CUEDC1: variants seen among roughly 807,000 people sequenced by gnomAD.
CUEDC1 encodes CUE domain-containing protein 1.
Under a neutral mutation model 43.7 loss-of-function variants are expected in CUEDC1, and 30 were observed. That is an observed-to-expected ratio of 0.69 (90% CI 0.51 to 0.93). The LOEUF (loss-of-function observed/expected upper bound fraction) is 0.93. CUEDC1 is among the 40% of genes least tolerant of loss of function. The pLI, the probability that CUEDC1 is intolerant of heterozygous loss-of-function variation, is 0.00. For missense variants in CUEDC1, 486 were observed against 549.0 expected (o/e 0.89, Z 1.15); for synonymous variants, 223 against 223.6 (o/e 1.00, Z 0.02).
At chr17:57,943,694 T>C in intron 1 of CUEDC1, among the ~76,000 whole-genome samples, 1 of 151,896 alleles carries the variant, frequency 6.6e-6, no homozygotes, top group East Asian at 1.9e-4. Flanking sequence ...CATGCAACCC[T>C]CAAAGCAGAT....
intron 1 of CUEDC1, among the ~76,000 whole-genome samples, chr17:57,902,047 G>A (rs913307956): frequency 4.6e-5 from 7 of 152,118 alleles, no homozygotes; most frequent in Non-Finnish European, 1.0e-4. Flanking sequence ...GGTGGCAGGT[G>A]CCTGTAATCC....
intron 1 of CUEDC1, among the ~76,000 whole-genome samples, chr17:57,917,061 G>A (rs566960216): frequency 7.9e-5 from 12 of 152,310 alleles, no homozygotes; most frequent in African/African-American, 2.9e-4. Flanking sequence ...AAGCGCCTGA[G>A]GCCCATCCAA....
intron 1 of CUEDC1, among the ~76,000 whole-genome samples, chr17:57,938,746 T>G (rs1323690927): frequency 6.6e-6 from 1 of 152,126 alleles, no homozygotes; most frequent in Non-Finnish European, 1.5e-5. Flanking sequence ...CAGCGCAACC[T>G]CTGCCTCCCG....
chr17:57,952,192 C>CATTTT (rs543420472), intron 1 of CUEDC1, among the ~76,000 whole-genome samples: 7,095 of 151,358 alleles, frequency 0.047, 190 homozygotes, highest in African/African-American at 0.067. Context: ...CAATGCCCTT[C>CATTTT]ATTTTATTTT....
At chr17:57,932,613 G>A (rs1420666518) in intron 1 of CUEDC1, among the ~76,000 whole-genome samples, 11 of 127,546 alleles carry the variant, frequency 8.6e-5, no homozygotes, top group African/African-American at 3.3e-4. Flanking sequence ...AAAAAAAAAA[G>A]TCTGTTGGAG....
At position 57,885,410 on chromosome 17, in the gene CUEDC1, T is replaced by C. The variant is rs1329377854; in HGVS notation, c.155A>G (p.Asp52Gly). 5.6e-6 allele frequency: 9 copies of C among 1,607,498 alleles called. No homozygotes were observed. Among genetic ancestry groups the C allele is most frequent in the South Asian group, 3.3e-5 (3 of 89,682 alleles). ...GTTGGGGAACATGGTCTTGAAGTCGTCCATGGCCTGGTTGAACTCCAGGCG... is the reference window on the plus strand; with the variant it reads ...GTTGGGGAACATGGTCTTGAAGTCGCCCATGGCCTGGTTGAACTCCAGGCG... ...VRRLEFNQAMDDFKTMFPNMD... is the reference protein window; with the variant it reads ...VRRLEFNQAMGDFKTMFPNMD... Residue 52 changes from aspartate (D) to glycine (G), a missense_variant, in exon 2 of 11, where the codon GAC (aspartate) becomes GGC (glycine). Transcript: ENST00000577830.
At chr17:57,928,502 T>TCG (rs1352290766) in intron 1 of CUEDC1, among the ~76,000 whole-genome samples, 47 of 138,914 alleles carry the variant, frequency 3.4e-4, no homozygotes, top group Admixed American at 1.1e-3. Flanking sequence ...TGAGCTGAGA[T>TCG]CGCCACTGCA....
chr17:57,914,770 C>T (rs1206794584), intron 1 of CUEDC1, among the ~76,000 whole-genome samples: 1 of 152,110 alleles, frequency 6.6e-6, no homozygotes, highest in African/African-American at 2.4e-5. Flanking sequence ...TCTCTGGGTC[C>T]AGGATCAGGC....
chr17:57,904,763 C>T lies in CUEDC1; in HGVS notation c.-315-18884G>A, dbSNP rs946857249. ...GCTAGGCGTGGGGGGATCGCCCTAC[C>T]GTAGGGGAGTGGGGGGGCCTCATTC... is the stretch of plus-strand genomic sequence containing the variant. On this transcript the variant is annotated intron_variant, in intron 1 of 10. Coordinates refer to ENST00000577830, the MANE Select transcript of CUEDC1 (RefSeq NM_001271875.2). Among the ~76,000 whole-genome samples, 5 of 152,076 alleles carry T rather than the reference C, an allele frequency of 3.3e-5. No individual in the cohort carries two copies. The South Asian group carries it at 6.2e-4, about 19-fold the overall frequency.
At chr17:57,926,474 G>A (rs1218573461) in intron 1 of CUEDC1, among the ~76,000 whole-genome samples, 5 of 151,912 alleles carry the variant, frequency 3.3e-5, no homozygotes, top group Admixed American at 3.3e-4. Flanking sequence ...GGTGAGAAAT[G>A]TATGGGATGG....
At chr17:57,874,929 G>A (rs561919207) in intron 3 of CUEDC1, among the ~76,000 whole-genome samples, 48 of 152,298 alleles carry the variant, frequency 3.2e-4, no homozygotes, top group African/African-American at 1.1e-3. Context: ...CCTGGTGGGA[G>A]CTCAGCTCTT....
rs187352205 is a variant in CUEDC1, at chr17:57,928,596, G to A, written c.-316+26629C>T. Among the ~76,000 whole-genome samples the A allele has an allele frequency of 2.0e-3, 297 of 149,808 alleles. 1 individual carries two copies. Among genetic ancestry groups the A allele is most frequent in the Middle Eastern group, 0.014 (4 of 286 alleles). On this transcript the variant is annotated intron_variant, in intron 1 of 10. Transcript: ENST00000577830. ...AGGGCTAATAAGGTAACAACCCTCC[G>A]ATGCCTTGTGAAGTACATTCTAGAA...
chr17:57,914,176 T>C (rs1269977592), intron 1 of CUEDC1, among the ~76,000 whole-genome samples: 1 of 152,238 alleles, frequency 6.6e-6, no homozygotes, highest in Non-Finnish European at 1.5e-5. Flanking sequence ...CTATTTATGT[T>C]GATCAGAAGA....
At position 57,885,803 on chromosome 17, in the gene CUEDC1, C is replaced by G. The variant is rs1166739991; in HGVS notation, c.-239G>C. Reference sequence around the variant, plus strand: ...CTCGCGGGGCGGTGGCATGCGGGACCGGGCCGTGCTGGGGCTGGGCGGCCG... The same window carrying G: ...CTCGCGGGGCGGTGGCATGCGGGACGGGGCCGTGCTGGGGCTGGGCGGCCG... On this transcript the variant is annotated 5_prime_UTR_variant, in exon 2 of 11. Transcript: ENST00000577830. 9 of 441,786 alleles carry G rather than the reference C, an allele frequency of 2.0e-5. No homozygotes were observed. Among genetic ancestry groups the G allele is most frequent in the Admixed American group, 4.7e-5 (1 of 21,072 alleles). The allele number at this position is 441,786 out of a possible 1,614,324, so 27.4% of individuals were successfully genotyped here.
chr17:57,873,650 G>A lies in CUEDC1; in HGVS notation c.532C>T (p.Leu178=). The A allele has an allele frequency of 6.2e-7, 1 of 1,605,670 alleles. No individual in the cohort carries two copies. The highest frequency in any genetic ancestry group is 1.1e-5 in the South Asian group (1 of 89,560). ...RRYRNWNPPL[L]GNLPDDFLRI... The stretch of plus-strand genomic sequence containing the variant: ...AGAAAGTCATCCGGAAGGTTGCCCA[G>A]CAGTGGTGGGTTCCAGTTCCGATAG... The change falls in exon 4 of 11, where the codon CTG becomes TTG. Residue 178 remains leucine (L), a synonymous_variant. Transcript: ENST00000577830.
At chr17:57,875,457 G>A (rs143262570) in intron 3 of CUEDC1, among the ~76,000 whole-genome samples, 144 of 152,248 alleles carry the variant, frequency 9.5e-4, no homozygotes, top group African/African-American at 3.3e-3. Context: ...GCCCCCTCCC[G>A]GCCCCTTGGC....
intron 1 of CUEDC1, among the ~76,000 whole-genome samples, chr17:57,950,214 G>C (rs891780152): frequency 6.6e-6 from 1 of 152,066 alleles, no homozygotes; most frequent in Non-Finnish European, 1.5e-5. Flanking sequence ...GTAGTGGCGC[G>C]ATCTCGGCTC....
intron 3 of CUEDC1, among the ~76,000 whole-genome samples, chr17:57,875,640 A>T (rs1022676054): frequency 6.6e-6 from 1 of 151,894 alleles, no homozygotes; most frequent in Non-Finnish European, 1.5e-5. Context: ...CCTGTGTGGA[A>T]GGGTCCCCGG....
At chr17:57,934,024 G>A (rs1394629900) in intron 1 of CUEDC1, among the ~76,000 whole-genome samples, 1 of 152,184 alleles carries the variant, frequency 6.6e-6, no homozygotes, top group Non-Finnish European at 1.5e-5. Context: ...TTAAAGCCAA[G>A]GTGGGAGGAC....
Sources: gnomAD v4.1 joint callset for allele counts (sites outside exome capture counted in the v4.1 genomes callset) on GRCh38, gnomAD v4.1.1 for gene constraint, MANE v1.5 for transcripts, NCBI Gene and HGNC (gene_info 2026-07-23, HGNC 2026-07-21) for gene names.